SLCO1B1: variants seen among roughly 807,000 people sequenced by gnomAD.
SLCO1B1 encodes the protein solute carrier organic anion transporter family member 1B1, also known as OATP-2.
A neutral mutation model predicts 70.1 loss-of-function variants in SLCO1B1; 81 were observed. The observed-to-expected ratio is 1.16, with a 90% CI of 0.97 to 1.39. The LOEUF (loss-of-function observed/expected upper bound fraction) is 1.39, where lower values mean the gene tolerates loss of function less well. Among genes scored for constraint, SLCO1B1 ranks in the 40% most tolerant of loss-of-function variants. SLCO1B1 has a pLI of 0.00. For missense variants in SLCO1B1, 895 were observed against 799.6 expected (o/e 1.12, Z -1.44); for synonymous variants, 283 against 271.5 (o/e 1.04, Z -0.42).
intron 2 of SLCO1B1, among the ~76,000 whole-genome samples, chr12:21,155,730 C>T (rs916894545): frequency 6.6e-6 from 1 of 152,162 alleles, no homozygotes; most frequent in African/African-American, 2.4e-5. Context: ...TAAATCACGT[C>T]ACTCTGCCCT....
intron 12 of SLCO1B1, among the ~76,000 whole-genome samples, chr12:21,220,608 A>T (rs1941411879): frequency 6.6e-6 from 1 of 152,122 alleles, no homozygotes; most frequent in Non-Finnish European, 1.5e-5. Flanking sequence ...AATAGGAGAA[A>T]CCAATAAAGA....
chr12:21,190,228 T>C (rs1172159824), intron 7 of SLCO1B1, among the ~76,000 whole-genome samples: 4 of 152,210 alleles, frequency 2.6e-5, no homozygotes, highest in Non-Finnish European at 5.9e-5. Context: ...TGACCATCCG[T>C]ACACGTGACT....
intron 2 of SLCO1B1, among the ~76,000 whole-genome samples, chr12:21,158,082 T>A (rs1280458543): frequency 6.6e-6 from 1 of 152,108 alleles, no homozygotes; most frequent in East Asian, 1.9e-4. Flanking sequence ...AGTAAAAAAA[T>A]TTTAAAAATG....
intron 13 of SLCO1B1, among the ~76,000 whole-genome samples, chr12:21,223,867 G>A (rs1250817023): frequency 2.0e-5 from 3 of 152,102 alleles, no homozygotes; most frequent in Non-Finnish European, 4.4e-5. Context: ...GAATCTCAGA[G>A]TTCATTAAAA....
intron 1 of SLCO1B1, among the ~76,000 whole-genome samples, chr12:21,133,791 G>T (rs1940175837): frequency 6.6e-6 from 1 of 152,154 alleles, no homozygotes; most frequent in African/African-American, 2.4e-5. Context: ...GGGACAATTT[G>T]ACTTCCTCTT....
chr12:21,209,211 C>A (rs1405675812), intron 11 of SLCO1B1, among the ~76,000 whole-genome samples: 18 of 149,752 alleles, frequency 1.2e-4, no homozygotes, highest in African/African-American at 1.5e-4. Flanking sequence ...CTCCCCCCTC[C>A]TCCCACCCCA....
In SLCO1B1 at chr12:21,133,911, C is replaced by A. The variant is rs565588378; in HGVS notation, c.-62+2675C>A. ...AGAGAGGGCATCCCTGTCTTGTGCC[C>A]GTTTTCAAAGGGAATGCTTCCAGTT... On this transcript the variant is annotated intron_variant, in intron 1 of 14. Transcript: ENST00000256958. Among the ~76,000 whole-genome samples the A allele has an allele frequency of 1.6e-3, 244 of 152,098 alleles. 4 individuals are homozygous for A. The South Asian group carries it at 0.027, about 17-fold the overall frequency.
rs140042973 is a variant in SLCO1B1 at position 21,135,789 on chromosome 12, A to G, written c.-62+4553A>G. Among the ~76,000 whole-genome samples, 197 of 152,196 alleles carry G rather than the reference A, an allele frequency of 1.3e-3. 2 individuals carry two copies. In the South Asian group the frequency reaches 0.022, roughly 17 times the overall value. The stretch of plus-strand genomic sequence containing the variant: ...CTGATTGGTCTTGACTCTTTATCCA[A>G]TTTGCCAGTCTGTGTCTTTTAATTG... On this transcript the variant is annotated intron_variant, in intron 1 of 14. Transcript: ENST00000256958.
chr12:21,186,534 G>C (rs558137759), intron 7 of SLCO1B1, among the ~76,000 whole-genome samples: 33 of 152,130 alleles, frequency 2.2e-4, no homozygotes, highest in Middle Eastern at 3.4e-3. Flanking sequence ...TGCTGAAACT[G>C]CTCCTAAGAA....
chr12:21,151,687 C>T (rs1940472577), intron 2 of SLCO1B1, among the ~76,000 whole-genome samples: 2 of 152,132 alleles, frequency 1.3e-5, no homozygotes, highest in Non-Finnish European at 2.9e-5. Context: ...CCTTGCAAGG[C>T]TGATCTAAAG....
rs534992913 is a variant in SLCO1B1 at position 21,200,291 on chromosome 12, ATAAAC to A, written c.971-208_971-204del. On this transcript the variant is annotated intron_variant, in intron 8 of 14. Coordinates refer to ENST00000256958, the MANE Select transcript of SLCO1B1 (RefSeq NM_006446.5). The stretch of plus-strand genomic sequence containing the variant: ...ACGTATGACCCTATTTGAGGGTAAA[ATAAAC>A]TAAACTAATAAATATTAATATTCGT... 1.1e-4 allele frequency among the ~76,000 whole-genome samples: 16 copies of A among 152,304 alleles called. No individual in the cohort carries two copies. In the East Asian group the frequency reaches 3.1e-3, roughly 29 times the overall value.
At chr12:21,134,183 C>A (rs1479394274) in intron 1 of SLCO1B1, among the ~76,000 whole-genome samples, 4 of 152,102 alleles carry the variant, frequency 2.6e-5, no homozygotes, top group African/African-American at 9.7e-5. Flanking sequence ...GGGATGAATC[C>A]CACTTGGTCA....
chr12:21,174,775 T>G, intron 4 of SLCO1B1, 66 bp downstream of exon 4: 2 of 1,520,906 alleles, frequency 1.3e-6, no homozygotes, highest in East Asian at 2.3e-5. Context: ...GGAGTAGAAT[T>G]TTATTATTAT....
intron 7 of SLCO1B1, among the ~76,000 whole-genome samples, chr12:21,188,458 C>T (rs920963568): frequency 6.6e-6 from 1 of 152,026 alleles, no homozygotes; most frequent in African/African-American, 2.4e-5. Flanking sequence ...TGTTAATCAA[C>T]TGTTTATGTT....
chr12:21,239,682 A>G lies in SLCO1B1; in HGVS notation c.*493A>G, dbSNP rs1322432819. On this transcript the variant is annotated 3_prime_UTR_variant, in exon 15 of 15. Coordinates refer to ENST00000256958, the MANE Select transcript of SLCO1B1 (RefSeq NM_006446.5). Reference sequence around the variant, plus strand: ...CTACAATAATATCTGTTACTCACATAAAATTATATATTTCACAGACTTTAT... The same window carrying G: ...CTACAATAATATCTGTTACTCACATGAAATTATATATTTCACAGACTTTAT... Among the ~76,000 whole-genome samples the G allele has an allele frequency of 6.6e-6, 1 of 152,214 alleles. No homozygotes were observed. Among genetic ancestry groups the G allele is most frequent in the African/African-American group, 2.4e-5 (1 of 41,462 alleles).
Position 21,176,793 on chromosome 12 carries a change from A to C in SLCO1B1, c.377A>C (p.Glu126Ala). The change falls in exon 5 of 15, where the codon GAA (glutamate) becomes GCA (alanine). Residue 126 changes from glutamate (E) to alanine (A), a missense_variant. By Grantham distance (107) the Glu-to-Ala change is moderately radical. Coordinates refer to ENST00000256958, the MANE Select transcript of SLCO1B1 (RefSeq NM_006446.5). ...FFMGYYRYSKETNINSSENST... is the reference protein window; with the variant it reads ...FFMGYYRYSKATNINSSENST... ...TCTTACAGTTACAGGTATTCTAAAG[A>C]AACTAATATCAATTCATCAGAAAAT... 6.5e-7 allele frequency: 1 copy of C among 1,541,056 alleles called. No individual in the cohort carries two copies. Among genetic ancestry groups the C allele is most frequent in the South Asian group, 1.1e-5 (1 of 89,898 alleles).
At position 21,239,337 on chromosome 12, in the gene SLCO1B1, TA is replaced by T; in HGVS notation, c.*150del. On this transcript the variant is annotated 3_prime_UTR_variant, in exon 15 of 15. Transcript: ENST00000256958. ...AAGTATAAATAAGCCTATGAACTTATAATAAAACAAACTGTAGGTAGAAAAA... is the reference window on the plus strand; with the variant it reads ...AAGTATAAATAAGCCTATGAACTTATATAAAACAAACTGTAGGTAGAAAAA... 2.9e-6 allele frequency: 2 copies of T among 689,560 alleles called. No homozygotes were observed. The highest frequency in any genetic ancestry group is 5.2e-6 in the Non-Finnish European group (2 of 381,756). The allele number at this position is 689,560 out of a possible 1,614,324, so 42.7% of individuals were successfully genotyped here.
chr12:21,180,313 A>G (rs1591811161), intron 7 of SLCO1B1, among the ~76,000 whole-genome samples: 1 of 151,870 alleles, frequency 6.6e-6, no homozygotes, highest in East Asian at 1.9e-4. Context: ...CCTCTTTTTC[A>G]TTTGCATAGT....
Position 21,222,372 on chromosome 12 carries a change from G to GAAAAAAA in SLCO1B1, c.1747+28_1747+34dup, listed in dbSNP as rs4149102. ...TGGTTATACGAGCACTAGGTATGAT[G>GAAAAAAA]AAAAAAAAAAAAAAAAAAAAAAAAA... On this transcript the variant is annotated intron_variant, in intron 13 of 14. Coordinates refer to ENST00000256958, the MANE Select transcript of SLCO1B1 (RefSeq NM_006446.5). The GAAAAAAA allele has an allele frequency of 2.4e-4, 6 of 24,954 alleles. 1 individual carries two copies. Among genetic ancestry groups the GAAAAAAA allele is most frequent in the African/African-American group, 1.2e-3 (4 of 3,258 alleles). 1.5% of individuals were successfully genotyped at this position (24,954 alleles called of 1,614,324 possible).
Sources: gnomAD v4.1 joint callset for allele counts (sites outside exome capture counted in the v4.1 genomes callset) on GRCh38, gnomAD v4.1.1 for gene constraint, MANE v1.5 for transcripts, NCBI Gene and HGNC (gene_info 2026-07-23, HGNC 2026-07-21) for gene names.